APOL1: variants seen among roughly 807,000 people sequenced by gnomAD.
APOL1 encodes the protein apolipoprotein L1.
A neutral mutation model predicts 14.9 loss-of-function variants in APOL1; 17 were observed. The ratio of observed to expected loss-of-function variants is 1.14; its 90% CI spans 0.78 to 1.71. The LOEUF (loss-of-function observed/expected upper bound fraction) is 1.71. Among genes scored for constraint, APOL1 ranks in the 40% most tolerant of loss-of-function variants. The pLI is 0.00. For missense variants in APOL1, 523 were observed against 485.9 expected (o/e 1.08, Z -0.72); for synonymous variants, 195 against 184.8 (o/e 1.05, Z -0.45).
chr22:36,262,329 G>A (rs79011803), intron 5 of APOL1, among the ~76,000 whole-genome samples: 1,943 of 152,286 alleles, frequency 0.013, 44 homozygotes, highest in African/African-American at 0.044. Context: ...GTTGCACAGC[G>A]CTGGGTCTCT....
intron 1 of APOL1, chr22:36,253,805 G>C: frequency 1.2e-6 from 1 of 817,038 alleles, no homozygotes; most frequent in Admixed American, 2.4e-5. Flanking sequence ...AGGACTCCAC[G>C]TCTCTGGCCC....
chr22:36,260,586 T>G (rs1022303324), intron 4 of APOL1, among the ~76,000 whole-genome samples: 1 of 138,908 alleles, frequency 7.2e-6, no homozygotes, highest in Non-Finnish European at 1.6e-5. Flanking sequence ...CTGACTTGAG[T>G]TCTTTGTAGA....
intron 4 of APOL1, chr22:36,259,944 A>G: frequency 4.8e-6 from 6 of 1,242,332 alleles, no homozygotes; most frequent in Non-Finnish European, 6.3e-6. Context: ...GAATGCAGAG[A>G]CCACAGGCAT....
chr22:36,259,765 C>G, intron 4 of APOL1: 1 of 1,304,276 alleles, frequency 7.7e-7, no homozygotes. Context: ...AGGATCAGTG[C>G]TGAGGGTCCC....
Position 36,266,184 on chromosome 22 carries a change from G to A in APOL1, c.*151G>A, listed in dbSNP as rs45553833. The A allele has an allele frequency of 0.036, 30,212 of 840,052 alleles. 651 individuals carry two copies. Among genetic ancestry groups the A allele is most frequent in the Middle Eastern group, 0.04 (105 of 2,632 alleles). 52.0% of individuals were successfully genotyped at this position (840,052 alleles called of 1,614,324 possible). A position where few individuals can be genotyped will look rare whatever the true frequency, so the allele number is the denominator to read the frequency against. ...CAGCTCACTGCAAGCTCTGCCTCCC[G>A]TGTTCAAGCGATTCTCCTGCCTTGG... On this transcript the variant is annotated 3_prime_UTR_variant, in exon 6 of 6. Coordinates refer to ENST00000397278, the MANE Select transcript of APOL1 (RefSeq NM_003661.4).
At chr22:36,264,378 C>T (rs2146309809) in intron 5 of APOL1, among the ~76,000 whole-genome samples, 1 of 152,302 alleles carries the variant, frequency 6.6e-6, no homozygotes, top group Non-Finnish European at 1.5e-5. Context: ...CAGGACATTC[C>T]AGGGGCCTGG....
At position 36,265,483 on chromosome 22, in the gene APOL1, T is replaced by C. The variant is rs757904186; in HGVS notation, c.647T>C (p.Ile216Thr). 1.2e-5 allele frequency: 19 copies of C among 1,613,996 alleles called. No homozygotes were observed. The highest frequency in any genetic ancestry group is 3.3e-5 in the Admixed American group (2 of 60,008). ...TTGGAACCTGGGATGGAGTTGGGAA[T>C]CACAGCCGCTTTGACCGGGATTACC... ...VLLEPGMELGITAALTGITSS... is the reference protein window; with the variant it reads ...VLLEPGMELGTTAALTGITSS... Residue 216 changes from isoleucine to threonine, a missense_variant, in exon 6 of 6, where the codon ATC becomes ACC. Physicochemically the swap from Ile to Thr is moderately conservative, Grantham distance 89. Transcript: ENST00000397278.
Position 36,266,267 on chromosome 22 carries a change from T to C in APOL1, c.*234T>C, listed in dbSNP as rs1340514844. ...CACCATGCCCAGCTAATTTTTGTAT[T>C]TTTAATAGAGATGGGGTTTCACCAT... is the stretch of plus-strand genomic sequence containing the variant. On this transcript the variant is annotated 3_prime_UTR_variant, in exon 6 of 6. Transcript: ENST00000397278. 1 of 479,596 alleles carries C rather than the reference T, an allele frequency of 2.1e-6. No individual in the cohort carries two copies. Among genetic ancestry groups the C allele is most frequent in the Non-Finnish European group, 3.6e-6 (1 of 274,032 alleles). 29.7% of individuals were successfully genotyped at this position (479,596 alleles called of 1,614,324 possible). A position where few individuals can be genotyped will look rare whatever the true frequency, so the allele number is the denominator to read the frequency against.
At position 36,265,312 on chromosome 22, in the gene APOL1, G is replaced by A. The variant is rs146280751; in HGVS notation, c.476G>A (p.Arg159His). Residue 159 changes from arginine to histidine, a missense_variant, in exon 6 of 6, where the codon CGT (arginine) becomes CAT (histidine). Physicochemically the swap from Arg to His is conservative, Grantham distance 29. Coordinates refer to ENST00000397278, the MANE Select transcript of APOL1 (RefSeq NM_003661.4). ...CTTGAGGATAACATAAGAAGGCTCCGTGCCCTTGCAGATGGGGTTCAGAAG... is the reference window on the plus strand; with the variant it reads ...CTTGAGGATAACATAAGAAGGCTCCATGCCCTTGCAGATGGGGTTCAGAAG... ...SELEDNIRRL[R>H]ALADGVQKVH... is the part of the protein sequence containing the mutation. 1.9e-4 allele frequency: 300 copies of A among 1,612,834 alleles called. No homozygotes were observed. Among genetic ancestry groups the A allele is most frequent in the Non-Finnish European group, 2.4e-4 (285 of 1,179,466 alleles).
chr22:36,261,463 C>T (rs1392727804), intron 4 of APOL1, 133 bp from the exon 5 acceptor site: 1 of 953,792 alleles, frequency 1.0e-6, no homozygotes, highest in African/African-American at 1.7e-5. Flanking sequence ...CCCTCTATAG[C>T]ACTAATGACT....
At position 36,265,897 on chromosome 22, in the gene APOL1, A is replaced by G. The variant is rs537341239; in HGVS notation, c.1061A>G (p.Tyr354Cys). 6.8e-6 allele frequency: 11 copies of G among 1,614,178 alleles called. No homozygotes were observed. In the South Asian group the frequency reaches 1.1e-4, roughly 16 times the overall value. The change falls in exon 6 of 6, where the codon TAC (tyrosine) becomes TGC (cysteine). Residue 354 changes from tyrosine (Y) to cysteine (C), a missense_variant. Tyr to Cys is a radical substitution (Grantham distance 194). Transcript: ENST00000397278. ...FLVLDVVYLVYESKHLHEGAK... is the reference protein window; with the variant it reads ...FLVLDVVYLVCESKHLHEGAK... Reference sequence around the variant, plus strand: ...GTGCTGGATGTAGTCTACCTCGTGTACGAATCAAAGCACTTACATGAGGGG... The same window carrying G: ...GTGCTGGATGTAGTCTACCTCGTGTGCGAATCAAAGCACTTACATGAGGGG...
In APOL1 at chr22:36,266,904, CAA is replaced by C. The variant is rs11321251; in HGVS notation, c.*887_*888del. The C allele has an allele frequency of 0.015, 1,273 of 83,254 alleles. 7 individuals carry two copies. The highest frequency in any genetic ancestry group is 0.02 in the Non-Finnish European group (823 of 40,678). 5.2% of individuals were successfully genotyped at this position (83,254 alleles called of 1,614,324 possible). ...TGGGTGACAGAGCGAGACTCCATCT[CAA>C]AAAAAAAAAAAAAAAGAATATATTG... is the stretch of plus-strand genomic sequence containing the variant. On this transcript the variant is annotated 3_prime_UTR_variant, in exon 6 of 6. Coordinates refer to ENST00000397278, the MANE Select transcript of APOL1 (RefSeq NM_003661.4).
chr22:36,266,421 G>A lies in APOL1; in HGVS notation c.*388G>A. On this transcript the variant is annotated 3_prime_UTR_variant, in exon 6 of 6. Coordinates refer to ENST00000397278, the MANE Select transcript of APOL1 (RefSeq NM_003661.4). ...AAACATTTTATTAGGGGGATAAAGAGGGTGAGGTAAAGTTTATGGAACTGA... is the reference window on the plus strand; with the variant it reads ...AAACATTTTATTAGGGGGATAAAGAAGGTGAGGTAAAGTTTATGGAACTGA... 1 of 411,518 alleles carries A rather than the reference G, an allele frequency of 2.4e-6. No homozygotes were observed. Among genetic ancestry groups the A allele is most frequent in the Non-Finnish European group, 4.3e-6 (1 of 233,832 alleles). The allele number at this position is 411,518 out of a possible 1,614,324, so 25.5% of individuals were successfully genotyped here.
Position 36,265,618 on chromosome 22 carries a change from A to C in APOL1, c.782A>C (p.Asn261Thr), listed in dbSNP as rs775056389. 3.5e-5 allele frequency: 56 copies of C among 1,596,874 alleles called. No individual in the cohort carries two copies. The highest frequency in any genetic ancestry group is 4.7e-5 in the Non-Finnish European group (55 of 1,171,614). The change falls in exon 6 of 6, where the codon AAC becomes ACC. Residue 261 changes from asparagine (N) to threonine (T), a missense_variant. Physicochemically the swap from Asn to Thr is moderately conservative, Grantham distance 65 (BLOSUM62 0). Transcript: ENST00000397278. ...LKEVREFLGE[N>T]ISNFLSLAGN... is the part of the protein sequence containing the mutation. ...GAGGTGAGGGAGTTTTTGGGTGAGA[A>C]CATATCCAACTTTCTTTCCTTAGCT...
In APOL1 at chr22:36,266,331, T is replaced by C. The variant is rs9610473; in HGVS notation, c.*298T>C. On this transcript the variant is annotated 3_prime_UTR_variant, in exon 6 of 6. Transcript: ENST00000397278. ...GTCTCGATCTCCTGACCTCTTGATCTGCCCACCTTGGCCTCCCAAAGTGCT... is the reference window on the plus strand; with the variant it reads ...GTCTCGATCTCCTGACCTCTTGATCCGCCCACCTTGGCCTCCCAAAGTGCT... 45,653 of 406,332 alleles carry C rather than the reference T, an allele frequency of 0.11. 3,157 individuals carry two copies. The highest frequency in any genetic ancestry group is 0.14 in the Non-Finnish European group (33,019 of 229,742). 25.2% of individuals were successfully genotyped at this position (406,332 alleles called of 1,614,324 possible).
At chr22:36,256,839 G>A (rs973246970) in intron 2 of APOL1, among the ~76,000 whole-genome samples, 2 of 152,206 alleles carry the variant, frequency 1.3e-5, no homozygotes, top group African/African-American at 2.4e-5. Flanking sequence ...GTTTGAATGG[G>A]AAAGTGGTAC....
intron 1 of APOL1, chr22:36,253,954 T>A: frequency 6.2e-7 from 1 of 1,614,182 alleles, no homozygotes; most frequent in Non-Finnish European, 8.5e-7. Context: ...TGATGCCAGC[T>A]TTGCAATCAT....
At position 36,265,492 on chromosome 22, in the gene APOL1, C is replaced by T; in HGVS notation, c.656C>T (p.Ala219Val). 6.2e-7 allele frequency: 1 copy of T among 1,614,032 alleles called. No homozygotes were observed. Among genetic ancestry groups the T allele is most frequent in the Non-Finnish European group, 8.5e-7 (1 of 1,179,944 alleles). The stretch of plus-strand genomic sequence containing the variant: ...GGGATGGAGTTGGGAATCACAGCCG[C>T]TTTGACCGGGATTACCAGCAGTACC... Reference protein sequence around the residue: ...EPGMELGITAALTGITSSTMD... With the variant: ...EPGMELGITAVLTGITSSTMD... Residue 219 changes from alanine (A) to valine (V), a missense_variant, in exon 6 of 6, where the codon GCT (alanine) becomes GTT (valine). Transcript: ENST00000397278.
chr22:36,259,797 A>G, intron 4 of APOL1: 1 of 1,303,866 alleles, frequency 7.7e-7, no homozygotes, highest in Non-Finnish European at 1.0e-6. Context: ...CCGTCGAAGA[A>G]CCCCCTCCAC....
Sources: allele counts gnomAD v4.1 joint callset (sites outside exome capture counted in the v4.1 genomes callset), GRCh38; gene constraint gnomAD v4.1.1; transcripts MANE v1.5; gene names NCBI Gene and HGNC (gene_info 2026-07-23, HGNC 2026-07-21).